The following CDH2 variants were observed in gnomAD, a reference collection of about 807,000 sequenced individuals.
CDH2 encodes cadherin-2.
Under a neutral mutation model 92.0 loss-of-function variants are expected in CDH2, and 17 were observed. The observed-to-expected ratio is 0.18, with a 90% CI of 0.13 to 0.28. The LOEUF (loss-of-function observed/expected upper bound fraction) is 0.28, where lower values mean the gene tolerates loss of function less well. CDH2 is among the 10% of genes least tolerant of loss of function. The pLI is 1.00. For missense variants in CDH2, 862 were observed against 1,133.1 expected (o/e 0.76, Z 3.44); for synonymous variants, 419 against 415.9 (o/e 1.01, Z -0.09).
At chr18:28,103,261 ACTC>A (rs2015260741) in intron 2 of CDH2, among the ~76,000 whole-genome samples, 1 of 144,532 alleles carries the variant, frequency 6.9e-6, no homozygotes, top group Non-Finnish European at 1.5e-5. Context: ...ATATATAAAA[ACTC>A]CTTTATATAT....
chr18:28,085,008 C>T (rs796317667), intron 2 of CDH2, among the ~76,000 whole-genome samples: 2 of 152,290 alleles, frequency 1.3e-5, no homozygotes, highest in African/African-American at 4.8e-5. Context: ...ATTCCCCACT[C>T]TACTCTTCTA....
intron 15 of CDH2, among the ~76,000 whole-genome samples, chr18:27,956,187 G>T (rs1225767076): frequency 9.2e-5 from 14 of 152,142 alleles, no homozygotes; most frequent in Admixed American, 9.2e-4. Context: ...TTATTTCACA[G>T]GATGTACTGT....
intron 2 of CDH2, among the ~76,000 whole-genome samples, chr18:28,039,546 A>T (rs2013908089): frequency 6.6e-6 from 1 of 152,192 alleles, no homozygotes; most frequent in African/African-American, 2.4e-5. Context: ...CACAACTGTC[A>T]GACAGAATAA....
chr18:28,084,573 A>G (rs1374524323), intron 2 of CDH2, among the ~76,000 whole-genome samples: 1 of 151,870 alleles, frequency 6.6e-6, no homozygotes, highest in African/African-American at 2.4e-5. Flanking sequence ...ATGCAGTGCA[A>G]AATAAAAAAA....
At chr18:28,072,453 T>C (rs907969311) in intron 2 of CDH2, among the ~76,000 whole-genome samples, 5 of 152,192 alleles carry the variant, frequency 3.3e-5, no homozygotes, top group Non-Finnish European at 4.4e-5. Flanking sequence ...CCTGGCATAG[T>C]TGTTCTCTGT....
chr18:28,114,734 T>C (rs2015467765), intron 2 of CDH2, among the ~76,000 whole-genome samples: 1 of 151,940 alleles, frequency 6.6e-6, no homozygotes, highest in Non-Finnish European at 1.5e-5. Context: ...TCATGAGAGA[T>C]TTTAGTTATA....
chr18:27,982,972 T>A lies in CDH2; in HGVS notation c.2321A>T (p.Asp774Val), dbSNP rs2012106067. The change falls in exon 14 of 16, where the codon GAT becomes GTT. Residue 774 changes from aspartate (D) to valine (V), a missense_variant. By Grantham distance (152) the Asp-to-Val change is radical. Around this residue, in one of 5 missense-constraint regions of CDH2, gnomAD observed 4 missense variants for 27.1 expected, o/e 0.15. Coordinates refer to ENST00000269141, the MANE Select transcript of CDH2 (RefSeq NM_001792.5). ...GTCTTCTTCTCCTCCACCTTCTTCA[T>A]CATATTTTAAAATATTATCTCTTAC... Reference protein sequence around the residue: ...DDVRDNILKYDEEGGGEEDQD... With the variant: ...DDVRDNILKYVEEGGGEEDQD... 1 of 1,605,546 alleles carries A rather than the reference T, an allele frequency of 6.2e-7. No individual in the cohort carries two copies. Among genetic ancestry groups the A allele is most frequent in the African/African-American group, 1.3e-5 (1 of 74,704 alleles).
intron 2 of CDH2, among the ~76,000 whole-genome samples, chr18:28,040,029 G>T (rs564985893): frequency 6.6e-6 from 1 of 152,292 alleles, no homozygotes; most frequent in East Asian, 1.9e-4. Context: ...AATAAAATTT[G>T]CAAATAGTTT....
intron 2 of CDH2, among the ~76,000 whole-genome samples, chr18:28,021,828 A>G (rs989864140): frequency 2.0e-5 from 3 of 152,076 alleles, no homozygotes; most frequent in African/African-American, 7.2e-5. Context: ...AGAAACAATT[A>G]TATGAGAACA....
At chr18:27,946,124 T>C (rs1909262235), downstream of CDH2, among the ~76,000 whole-genome samples, 1 of 152,134 alleles carries the variant, frequency 6.6e-6, no homozygotes, top group Non-Finnish European at 1.5e-5. Context: ...GGTCTGGAAA[T>C]ACATCCAAAA....
At chr18:27,982,812 G>A (rs2012100377) in intron 14 of CDH2, 132 bp downstream of exon 14, 2 of 507,272 alleles carry the variant, frequency 3.9e-6, no homozygotes, top group Admixed American at 3.8e-5. Context: ...ACACACATAG[G>A]AAACAATTTA....
Position 27,955,761 on chromosome 18 carries a change from G to GTTTTTTTTTTTTTTTTTTT in CDH2, c.2515-3421_2515-3403dup, listed in dbSNP as rs5823568. Among the ~76,000 whole-genome samples the GTTTTTTTTTTTTTTTTTTT allele has an allele frequency of 3.8e-3, 429 of 111,544 alleles. 44 individuals carry two copies. The highest frequency in any genetic ancestry group is 5.9e-3 in the Middle Eastern group (1 of 170). The allele number at this position is 111,544 out of a possible 152,430, so 73.2% of individuals were successfully genotyped here. ...ACAAATCTCTGTTTTCTTTATTTCT[G>GTTTTTTTTTTTTTTTTTTT]TTTTTTTTTTTTTTTTTTTAAAGAG... On this transcript the variant is annotated intron_variant, in intron 15 of 15. Coordinates refer to ENST00000269141, the MANE Select transcript of CDH2 (RefSeq NM_001792.5).
chr18:28,035,133 C>T (rs565639886), intron 2 of CDH2, among the ~76,000 whole-genome samples: 2 of 152,054 alleles, frequency 1.3e-5, no homozygotes, highest in South Asian at 2.1e-4. Flanking sequence ...GCAAGAAAAC[C>T]AGAAAAGGCT....
chr18:27,995,777 T>G (rs763653404), intron 7 of CDH2, among the ~76,000 whole-genome samples: 13 of 152,168 alleles, frequency 8.5e-5, no homozygotes, highest in Non-Finnish European at 1.6e-4. Context: ...GGACACTTGT[T>G]ATTTCCAAAG....
chr18:28,161,705 C>T (rs1420280385), intron 1 of CDH2, among the ~76,000 whole-genome samples: 1 of 151,832 alleles, frequency 6.6e-6, no homozygotes, highest in Non-Finnish European at 1.5e-5. Flanking sequence ...TTGGAATAAG[C>T]ACACACTTGA....
chr18:27,979,830 T>A (rs903116710), intron 14 of CDH2, among the ~76,000 whole-genome samples: 2 of 152,206 alleles, frequency 1.3e-5, no homozygotes, highest in Non-Finnish European at 2.9e-5. Context: ...TTTGTGGGTA[T>A]AAGGGAAGCT....
At chr18:27,935,669 T>A (rs1393971193) in intron 6 of CDH2, among the ~76,000 whole-genome samples, 1 of 151,328 alleles carries the variant, frequency 6.6e-6, no homozygotes, top group African/African-American at 2.4e-5. Context: ...TATCTCTACA[T>A]TAGACCAGAA....
chr18:28,003,918 T>A (rs1475098468), intron 6 of CDH2, among the ~76,000 whole-genome samples: 1 of 152,202 alleles, frequency 6.6e-6, no homozygotes, highest in African/African-American at 2.4e-5. Context: ...TTCTGTGGGA[T>A]CCATTTAAGG....
chr18:28,117,323 G>A (rs1250195140), intron 2 of CDH2, among the ~76,000 whole-genome samples: 1 of 152,058 alleles, frequency 6.6e-6, no homozygotes, highest in African/African-American at 2.4e-5. Flanking sequence ...TATATGACTT[G>A]GATAAATGTT....
Sources: allele counts gnomAD v4.1 joint callset (sites outside exome capture counted in the v4.1 genomes callset), GRCh38; gene constraint gnomAD v4.1.1; regional missense constraint gnomAD v4.1.1; transcripts MANE v1.5; gene names NCBI Gene and HGNC (gene_info 2026-07-23, HGNC 2026-07-21).